The following CLNK variants were observed in gnomAD, a reference collection of about 807,000 sequenced individuals.
CLNK encodes cytokine dependent hematopoietic cell linker.
In CLNK, 74 loss-of-function variants were observed where a neutral mutation model predicts 68.6. That is an observed-to-expected ratio of 1.08 (90% CI 0.89 to 1.31). CLNK has a LOEUF of 1.31. CLNK is among the 50% of genes most tolerant of loss of function. The pLI is 0.00. For synonymous variants in CLNK, 198 were observed against 172.2 expected (o/e 1.15, Z -1.17); for missense variants, 553 against 515.3 (o/e 1.07, Z -0.71).
chr4:10,646,310 A>G (rs1426372863), intron 2 of CLNK, among the ~76,000 whole-genome samples: 1 of 152,222 alleles, frequency 6.6e-6, no homozygotes, highest in Non-Finnish European at 1.5e-5. Context: ...TTTAAATAAA[A>G]CACAACCCAA....
chr4:10,610,449 C>G lies in CLNK; in HGVS notation c.12-12400G>C, dbSNP rs147463269. Among the ~76,000 whole-genome samples the G allele has an allele frequency of 6.2e-3, 935 of 151,976 alleles. 19 individuals carry two copies. The East Asian group carries it at 0.064, about 10-fold the overall frequency. On this transcript the variant is annotated intron_variant, in intron 2 of 18. Coordinates refer to ENST00000226951, the MANE Select transcript of CLNK (RefSeq NM_052964.4). ...GAAAATAATCCTGAATCTTTGATGCCCAGGTTTCCAGAAAACCCATAAAAG... is the reference window on the plus strand; with the variant it reads ...GAAAATAATCCTGAATCTTTGATGCGCAGGTTTCCAGAAAACCCATAAAAG...
chr4:10,663,096 G>A (rs1022846446), intron 2 of CLNK, among the ~76,000 whole-genome samples: 9 of 152,174 alleles, frequency 5.9e-5, no homozygotes, highest in Admixed American at 1.3e-4. Flanking sequence ...GAACCACAGC[G>A]TCAAGGTTCT....
At chr4:10,667,463 C>T (rs1724445176) in intron 2 of CLNK, among the ~76,000 whole-genome samples, 1 of 149,542 alleles carries the variant, frequency 6.7e-6, no homozygotes, top group Non-Finnish European at 1.5e-5. Context: ...AGACTGACCA[C>T]ACCACTTTTG....
At chr4:10,585,547 A>C (rs1449048319) in intron 3 of CLNK, among the ~76,000 whole-genome samples, 2 of 152,212 alleles carry the variant, frequency 1.3e-5, no homozygotes, top group Non-Finnish European at 2.9e-5. Flanking sequence ...ACGTGGCTGC[A>C]CCGGAGTCTC....
At chr4:10,632,129 C>T (rs1342006934) in intron 2 of CLNK, among the ~76,000 whole-genome samples, 1 of 152,204 alleles carries the variant, frequency 6.6e-6, no homozygotes, top group African/African-American at 2.4e-5. Flanking sequence ...TTCAAAACTC[C>T]ATCTTCCCAG....
intron 8 of CLNK, among the ~76,000 whole-genome samples, chr4:10,543,558 C>T (rs986968286): frequency 1.3e-5 from 2 of 152,144 alleles, no homozygotes; most frequent in Non-Finnish European, 2.9e-5. Context: ...GTTACTGGTT[C>T]ACCACCCCAT....
chr4:10,705,717 T>C, the CLNK span, among the ~76,000 whole-genome samples: 1 of 152,232 alleles, frequency 6.6e-6, no homozygotes, highest in East Asian at 1.9e-4. Context: ...GGTCAGTTGA[T>C]TAGCACCCTG....
rs1363666530 is a variant in CLNK, at chr4:10,635,994, C to G, written c.11+31865G>C. ...AAGAGAGATGTGCAAACCACTAACT[C>G]CTGCCGTGGAACAAACACTATACTC... On this transcript the variant is annotated intron_variant, in intron 2 of 18. Coordinates refer to ENST00000226951, the MANE Select transcript of CLNK (RefSeq NM_052964.4). The G allele has an allele frequency of 3.3e-5, 5 of 152,290 alleles. No homozygotes were observed. The East Asian group carries it at 9.6e-4, about 29-fold the overall frequency. The allele number at this position is 152,290 out of a possible 1,614,324, so 9.4% of individuals were successfully genotyped here. A position where few individuals can be genotyped will look rare whatever the true frequency, so the allele number is the denominator to read the frequency against.
chr4:10,650,452 T>C (rs957603070), intron 2 of CLNK, among the ~76,000 whole-genome samples: 4 of 152,096 alleles, frequency 2.6e-5, no homozygotes, highest in Non-Finnish European at 5.9e-5. Flanking sequence ...ATCCATATTA[T>C]AGTAAAACTA....
At chr4:10,499,126 T>C (rs540158183) in intron 18 of CLNK, among the ~76,000 whole-genome samples, 1 of 152,234 alleles carries the variant, frequency 6.6e-6, no homozygotes, top group South Asian at 2.1e-4. Flanking sequence ...CAGACACCCC[T>C]TCCCCTTCCT....
At chr4:10,702,680 C>T in the CLNK span, among the ~76,000 whole-genome samples, 18 of 152,284 alleles carry the variant, frequency 1.2e-4, no homozygotes, top group African/African-American at 4.1e-4. Context: ...TCTTGCACTA[C>T]CATTTCTTGG....
At chr4:10,578,626 A>G (rs1386456672) in intron 4 of CLNK, among the ~76,000 whole-genome samples, 1 of 100,642 alleles carries the variant, frequency 9.9e-6, no homozygotes, top group Non-Finnish European at 1.8e-5. Flanking sequence ...TTGCTCTGTC[A>G]CCCAGGCTGG....
intron 14 of CLNK, 75 bp from the exon 15 acceptor site, chr4:10,520,906 G>T: frequency 9.5e-7 from 1 of 1,054,166 alleles, no homozygotes; most frequent in Non-Finnish European, 1.4e-6. Flanking sequence ...CAGAGGCAAG[G>T]TCAATGATAA....
rs189714382 is a variant in CLNK, at chr4:10,524,402, G to T, written c.731+1439C>A. Among the ~76,000 whole-genome samples the T allele has an allele frequency of 1.6e-4, 24 of 152,322 alleles. 1 individual carries two copies. The East Asian group carries it at 4.6e-3, about 29-fold the overall frequency. The stretch of plus-strand genomic sequence containing the variant: ...CCTGACTCTGCCCTAAGTTTCTCAT[G>T]TAATACAGTGAGGTCGCCCAAGTCA... On this transcript the variant is annotated intron_variant, in intron 14 of 18. Coordinates refer to ENST00000226951, the MANE Select transcript of CLNK (RefSeq NM_052964.4).
At chr4:10,726,636 A>C in the CLNK span, among the ~76,000 whole-genome samples, 3 of 152,024 alleles carry the variant, frequency 2.0e-5, no homozygotes. Flanking sequence ...TAGAGCGAAG[A>C]TTTCAGTTGT....
chr4:10,598,648 T>G, intron 2 of CLNK: 1 of 444,700 alleles, frequency 2.2e-6, no homozygotes, highest in Non-Finnish European at 4.5e-6. Flanking sequence ...AGAGATTAAC[T>G]TATTTTTCAT....
At chr4:10,551,488 G>A (rs61795091) in intron 8 of CLNK, among the ~76,000 whole-genome samples, 6,170 of 151,762 alleles carry the variant, frequency 0.041, 191 homozygotes, top group Middle Eastern at 0.099. Flanking sequence ...GAGTTGTCTC[G>A]AAACTCCTGG....
chr4:10,646,797 C>T (rs888147301), intron 2 of CLNK, among the ~76,000 whole-genome samples: 2 of 152,062 alleles, frequency 1.3e-5, no homozygotes, highest in Non-Finnish European at 2.9e-5. Flanking sequence ...CTTAACTATT[C>T]ATTATCCCTT....
chr4:10,615,589 T>C (rs909631018), intron 2 of CLNK, among the ~76,000 whole-genome samples: 1 of 152,042 alleles, frequency 6.6e-6, no homozygotes, highest in African/African-American at 2.4e-5. Flanking sequence ...GAAGAGCCAG[T>C]AGAGTTCTCC....
Sources: allele counts gnomAD v4.1 joint callset (sites outside exome capture counted in the v4.1 genomes callset), GRCh38; gene constraint gnomAD v4.1.1; transcripts MANE v1.5; gene names NCBI Gene and HGNC (gene_info 2026-07-23, HGNC 2026-07-21).